CNTN1: variants seen among roughly 807,000 people sequenced by gnomAD.
CNTN1 encodes contactin-1.
A neutral mutation model predicts 126.4 loss-of-function variants in CNTN1; 38 were observed. The ratio of observed to expected loss-of-function variants is 0.30; its 90% CI spans 0.23 to 0.39. The LOEUF (loss-of-function observed/expected upper bound fraction) is 0.39, where lower values mean the gene tolerates loss of function less well. Among genes scored for constraint, CNTN1 ranks in the 10% least tolerant of loss-of-function variants. CNTN1 has a pLI of 1.00. For synonymous variants in CNTN1, 413 were observed against 422.6 expected (o/e 0.98, Z 0.28); for missense variants, 1,009 against 1,248.4 (o/e 0.81, Z 2.89).
rs1312813249 is a variant in CNTN1 at position 40,947,776 on chromosome 12, TATATATACACACACACACAC to T, written c.1683+3608_1683+3627del. Among the ~76,000 whole-genome samples the T allele has an allele frequency of 4.0e-4, 36 of 89,620 alleles. 2 individuals are homozygous for T. Among genetic ancestry groups the T allele is most frequent in the Admixed American group, 7.6e-4 (6 of 7,878 alleles). The allele number at this position is 89,620 out of a possible 152,430, so 58.8% of individuals were successfully genotyped here. ...ATTGTCACTATTTCATATATATATA[TATATATACACACACACACAC>T]ACACACACACACACACACACACACA... On this transcript the variant is annotated intron_variant, in intron 14 of 23. Transcript: ENST00000551295.
intron 1 of CNTN1, among the ~76,000 whole-genome samples, chr12:40,806,859 A>G (rs1190148261): frequency 2.0e-5 from 3 of 152,132 alleles, no homozygotes; most frequent in Non-Finnish European, 4.4e-5. Context: ...TATGGGTTAC[A>G]TGATTACCTT....
At chr12:40,715,428 AT>A (rs141304689) in intron 1 of CNTN1, among the ~76,000 whole-genome samples, 1 of 151,888 alleles carries the variant, frequency 6.6e-6, no homozygotes, top group Non-Finnish European at 1.5e-5. Context: ...CATTAGCAGG[AT>A]TTTTTTTGCC....
chr12:40,808,714 A>G (rs1164049613), intron 1 of CNTN1, among the ~76,000 whole-genome samples: 1 of 152,154 alleles, frequency 6.6e-6, no homozygotes, highest in Non-Finnish European at 1.5e-5. Context: ...TTTGAGGACA[A>G]GAGCTTTTAA....
Position 41,037,663 on chromosome 12 carries a change from T to TACACACAC in CNTN1, c.2980+8476_2980+8483dup, listed in dbSNP as rs55890336. On this transcript the variant is annotated intron_variant, in intron 23 of 23. Transcript: ENST00000551295. ...TGTTTAAAGGGGTTTGTGTGTTTAA[T>TACACACAC]ACACACACACACACACACACACACA... Among the ~76,000 whole-genome samples the TACACACAC allele has an allele frequency of 6.2e-3, 889 of 144,482 alleles. 3 individuals carry two copies. Among genetic ancestry groups the TACACACAC allele is most frequent in the East Asian group, 0.02 (95 of 4,862 alleles). 94.8% of individuals were successfully genotyped at this position (144,482 alleles called of 152,430 possible).
rs74955055 is a variant in CNTN1, at chr12:40,849,029, T to C, written c.-76-59328T>C. Among the ~76,000 whole-genome samples, 183 of 152,232 alleles carry C rather than the reference T, an allele frequency of 1.2e-3. 1 individual carries two copies. The highest frequency in any genetic ancestry group is 4.2e-3 in the African/African-American group (176 of 41,554). Reference sequence around the variant, plus strand: ...ATTCCTGTGGAGTTAAAAGGATCAATAAATATTAGTGTGGTTGTACCATCA... The same window carrying C: ...ATTCCTGTGGAGTTAAAAGGATCAACAAATATTAGTGTGGTTGTACCATCA... On this transcript the variant is annotated intron_variant, in intron 1 of 23. Coordinates refer to ENST00000551295, the MANE Select transcript of CNTN1 (RefSeq NM_001843.4).
intron 1 of CNTN1, among the ~76,000 whole-genome samples, chr12:40,808,891 G>A (rs1480706503): frequency 1.3e-5 from 2 of 151,998 alleles, no homozygotes; most frequent in African/African-American, 4.8e-5. Context: ...GGTCCAAACT[G>A]GTTTTTCTTT....
intron 1 of CNTN1, among the ~76,000 whole-genome samples, chr12:40,776,807 A>G (rs967660543): frequency 9.2e-5 from 14 of 151,786 alleles, no homozygotes; most frequent in Non-Finnish European, 1.3e-4. Flanking sequence ...CTAGAACTCT[A>G]TCAAGTAGGC....
chr12:41,004,144 T>C (rs1190240034), intron 17 of CNTN1, among the ~76,000 whole-genome samples: 1 of 152,210 alleles, frequency 6.6e-6, no homozygotes. Context: ...ATGTTGTATC[T>C]TTGTTTTCAT....
chr12:41,057,110 AAAT>A (rs1321232217), intron 23 of CNTN1, among the ~76,000 whole-genome samples: 3 of 140,342 alleles, frequency 2.1e-5, no homozygotes, highest in Non-Finnish European at 4.6e-5. Flanking sequence ...AGATATTTAT[AAAT>A]ATTATATTTA....
chr12:41,033,882 CAAA>C (rs34710701), intron 23 of CNTN1, among the ~76,000 whole-genome samples: 7 of 103,212 alleles, frequency 6.8e-5, no homozygotes, highest in Admixed American at 1.9e-4. Context: ...ACTAAAAATA[CAAA>C]AAAAAAAAAA....
chr12:41,061,675 A>G (rs1440390968), intron 23 of CNTN1: 3 of 369,540 alleles, frequency 8.1e-6, no homozygotes, highest in South Asian at 4.0e-5. Context: ...GATATTCTCA[A>G]ATATATTATG....
In CNTN1 at chr12:40,948,279, T is replaced by C. The variant is rs867005231; in HGVS notation, c.1683+4109T>C. On this transcript the variant is annotated intron_variant, in intron 14 of 23. Coordinates refer to ENST00000551295, the MANE Select transcript of CNTN1 (RefSeq NM_001843.4). ...CTTTCTTTTTTTTTTTTTTTTTTTT[T>C]TTGAGCCACAGATCTCATTTTTCAC... Among the ~76,000 whole-genome samples the C allele has an allele frequency of 2.0e-3, 292 of 145,844 alleles. 1 individual carries two copies. Among genetic ancestry groups the C allele is most frequent in the African/African-American group, 7.1e-3 (281 of 39,584 alleles).
rs747379680 is a variant in CNTN1, at chr12:41,016,849, C to T, written c.2352C>T (p.Val784=). Residue 784 remains valine (V), a synonymous_variant, in exon 19 of 24, where the codon GTC becomes GTT. Coordinates refer to ENST00000551295, the MANE Select transcript of CNTN1 (RefSeq NM_001843.4). ...CTTCCACTGCATTTCAAGTTAAAGT[C>T]AAGGCCTTCAACAACAAAGGAGATG... ...MSPSTAFQVK[V]KAFNNKGDGP... 3.7e-6 allele frequency: 6 copies of T among 1,614,034 alleles called. No individual in the cohort carries two copies. In the South Asian group the frequency reaches 6.6e-5, roughly 18 times the overall value.
rs777953120 is a variant in CNTN1 at position 40,822,148 on chromosome 12, C to CTTTTTTTTTTTTTTTTTTTTTTTT, written c.-76-86208_-76-86185dup. 3.1e-3 allele frequency among the ~76,000 whole-genome samples: 147 copies of CTTTTTTTTTTTTTTTTTTTTTTTT among 47,262 alleles called. 24 individuals are homozygous for CTTTTTTTTTTTTTTTTTTTTTTTT. Among genetic ancestry groups the CTTTTTTTTTTTTTTTTTTTTTTTT allele is most frequent in the East Asian group, 8.4e-3 (9 of 1,068 alleles). The allele number at this position is 47,262 out of a possible 152,430, so 31.0% of individuals were successfully genotyped here. ...TTTCCAGTCTAGACAAAATATAAAT[C>CTTTTTTTTTTTTTTTTTTTTTTTT]TTTTTTTTTTTTTTTTTTTTTTTTG... On this transcript the variant is annotated intron_variant, in intron 1 of 23. Coordinates refer to ENST00000551295, the MANE Select transcript of CNTN1 (RefSeq NM_001843.4).
At chr12:40,811,176 TCTTTGGATATACACC>T (rs1325171787) in intron 1 of CNTN1, among the ~76,000 whole-genome samples, 2 of 152,212 alleles carry the variant, frequency 1.3e-5, no homozygotes, top group Non-Finnish European at 2.9e-5. Context: ...GATTAAATTT[TCTTTGGATATACACC>T]CTGAAATCGG....
At chr12:40,770,842 T>A (rs775959254) in intron 1 of CNTN1, among the ~76,000 whole-genome samples, 1 of 152,120 alleles carries the variant, frequency 6.6e-6, no homozygotes, top group Non-Finnish European at 1.5e-5. Context: ...CTAAAGCACA[T>A]GGTATATGCA....
chr12:40,714,334 A>G (rs1941996864), intron 1 of CNTN1, among the ~76,000 whole-genome samples: 1 of 152,092 alleles, frequency 6.6e-6, no homozygotes, highest in Non-Finnish European at 1.5e-5. Flanking sequence ...TGTAAATCTT[A>G]CACAAATGAT....
At chr12:41,042,029 T>C (rs1375440408) in intron 23 of CNTN1, among the ~76,000 whole-genome samples, 3 of 152,242 alleles carry the variant, frequency 2.0e-5, no homozygotes, top group African/African-American at 7.2e-5. Context: ...TTTGGATCTT[T>C]CCTGCTTTCT....
intron 1 of CNTN1, among the ~76,000 whole-genome samples, chr12:40,871,568 C>A (rs1438988843): frequency 6.6e-6 from 1 of 152,138 alleles, no homozygotes; most frequent in African/African-American, 2.4e-5. Context: ...AATCAGTAAT[C>A]TCTGTTTTGT....
Sources: allele counts gnomAD v4.1 joint callset (sites outside exome capture counted in the v4.1 genomes callset), GRCh38; gene constraint gnomAD v4.1.1; transcripts MANE v1.5; gene names NCBI Gene and HGNC (gene_info 2026-07-23, HGNC 2026-07-21).